The following TNFRSF11A variants were observed in gnomAD, a reference collection of about 807,000 sequenced individuals.
TNFRSF11A encodes the protein TNF receptor superfamily member 11a, also known as tumor necrosis factor receptor superfamily member 11A.
A neutral mutation model predicts 55.7 loss-of-function variants in TNFRSF11A; 32 were observed. The observed-to-expected ratio is 0.57, with a 90% CI of 0.43 to 0.77. TNFRSF11A has a LOEUF of 0.77. Among genes scored for constraint, TNFRSF11A ranks in the 30% least tolerant of loss-of-function variants. TNFRSF11A has a pLI of 0.00. For missense variants in TNFRSF11A, 753 were observed against 809.8 expected (o/e 0.93, Z 0.85); for synonymous variants, 311 against 331.0 (o/e 0.94, Z 0.65).
chr18:62,343,669 G>A (rs549963659), intron 1 of TNFRSF11A, among the ~76,000 whole-genome samples: 14 of 152,260 alleles, frequency 9.2e-5, no homozygotes, highest in African/African-American at 1.9e-4. Flanking sequence ...TCCATCAGCC[G>A]TTAAGATAAA....
chr18:62,365,143 A>G (rs890070841), intron 7 of TNFRSF11A, among the ~76,000 whole-genome samples: 2 of 151,810 alleles, frequency 1.3e-5, no homozygotes, highest in East Asian at 1.9e-4. Context: ...GTATTTTTTT[A>G]TAGAGGTGGG....
intron 7 of TNFRSF11A, among the ~76,000 whole-genome samples, chr18:62,364,091 G>A (rs1005449399): frequency 4.6e-5 from 7 of 152,326 alleles, no homozygotes; most frequent in East Asian, 1.9e-4. Context: ...AAGGTGCTGA[G>A]CACCAAGTGG....
Position 62,389,786 on chromosome 18 carries a change from C to G in TNFRSF11A, c.*4752C>G, listed in dbSNP as rs1305607039. ...AAGTTAAAATGACAAAATTACAGGC[C>G]TGTTACCAGATCTTCGTACTAACCA... On this transcript the variant is annotated 3_prime_UTR_variant, in exon 10 of 10. Coordinates refer to ENST00000586569, the MANE Select transcript of TNFRSF11A (RefSeq NM_003839.4). 1 of 152,160 alleles carries G rather than the reference C, an allele frequency of 6.6e-6. No individual in the cohort carries two copies. The highest frequency in any genetic ancestry group is 2.4e-5 in the African/African-American group (1 of 41,432). 9.4% of individuals were successfully genotyped at this position (152,160 alleles called of 1,614,324 possible). A position where few individuals can be genotyped will look rare whatever the true frequency, so the allele number is the denominator to read the frequency against.
At chr18:62,360,325 TG>T (rs1255772798) in intron 6 of TNFRSF11A, among the ~76,000 whole-genome samples, 1 of 152,170 alleles carries the variant, frequency 6.6e-6, no homozygotes, top group African/African-American at 2.4e-5. Context: ...TGCTCAGACA[TG>T]GTGGGATGAT....
At chr18:62,382,952 C>T (rs554529166) in intron 9 of TNFRSF11A, among the ~76,000 whole-genome samples, 195 of 152,268 alleles carry the variant, frequency 1.3e-3, no homozygotes, top group African/African-American at 4.4e-3. Context: ...CTGGTGACAA[C>T]AGACTTGAGA....
chr18:62,373,157 A>G (rs753553213), intron 9 of TNFRSF11A, among the ~76,000 whole-genome samples: 3 of 152,164 alleles, frequency 2.0e-5, no homozygotes, highest in Non-Finnish European at 2.9e-5. Context: ...GGCAGCCACA[A>G]CCAGTTAGTG....
At chr18:62,330,114 T>C (rs1386746359) in intron 1 of TNFRSF11A, among the ~76,000 whole-genome samples, 1 of 152,216 alleles carries the variant, frequency 6.6e-6, no homozygotes, top group East Asian at 1.9e-4. Context: ...CCACAACCTG[T>C]AGCACACTCT....
chr18:62,341,027 A>G (rs998072106), intron 1 of TNFRSF11A, among the ~76,000 whole-genome samples: 1 of 152,284 alleles, frequency 6.6e-6, no homozygotes, highest in Non-Finnish European at 1.5e-5. Context: ...TGTAAGATTG[A>G]AATTCTATCT....
Position 62,386,300 on chromosome 18 carries a change from A to G in TNFRSF11A, c.*1266A>G, listed in dbSNP as rs550955518. On this transcript the variant is annotated 3_prime_UTR_variant, in exon 10 of 10. Transcript: ENST00000586569. Reference sequence around the variant, plus strand: ...GCATTTTTTTTGTCTAGATAAGAATAGCGTGAATAGATCCTCTTTTATTCG... The same window carrying G: ...GCATTTTTTTTGTCTAGATAAGAATGGCGTGAATAGATCCTCTTTTATTCG... 8 of 152,374 alleles carry G rather than the reference A, an allele frequency of 5.3e-5. No homozygotes were observed. The highest frequency in any genetic ancestry group is 1.9e-4 in the African/African-American group (8 of 41,584). The allele number at this position is 152,374 out of a possible 1,614,324, so 9.4% of individuals were successfully genotyped here. A position where few individuals can be genotyped will look rare whatever the true frequency, so the allele number is the denominator to read the frequency against.
At position 62,348,150 on chromosome 18, in the gene TNFRSF11A, C is replaced by T. The variant is rs748514888; in HGVS notation, c.76-18C>T. 5.0e-6 allele frequency: 8 copies of T among 1,606,260 alleles called. No homozygotes were observed. Among genetic ancestry groups the T allele is most frequent in the Non-Finnish European group, 6.8e-6 (8 of 1,173,122 alleles). On this transcript the variant is annotated intron_variant, in intron 1 of 9. Coordinates refer to ENST00000586569, the MANE Select transcript of TNFRSF11A (RefSeq NM_003839.4). Reference sequence around the variant, plus strand: ...AGAGCTGTGTGGACTCTCTGCCTGACCTCAGTGTTCTTTTCAGGTGGCTTT... The same window carrying T: ...AGAGCTGTGTGGACTCTCTGCCTGATCTCAGTGTTCTTTTCAGGTGGCTTT...
chr18:62,361,095 G>A (rs1265910733), intron 6 of TNFRSF11A, among the ~76,000 whole-genome samples: 1 of 152,186 alleles, frequency 6.6e-6, no homozygotes, highest in Non-Finnish European at 1.5e-5. Context: ...TTAAAAAAGA[G>A]GAGAGGAAAA....
In TNFRSF11A at chr18:62,368,798, C is replaced by T; in HGVS notation, c.881C>T (p.Thr294Ile). 2 of 1,614,234 alleles carry T rather than the reference C, an allele frequency of 1.2e-6. No individual in the cohort carries two copies. The highest frequency in any genetic ancestry group is 2.2e-5 in the East Asian group (1 of 44,884). ...GVLLLTLEEK[T>I]FPEDMCYPDQ... ...TTACTGCTGACTCTGGAGGAGAAGACATTTCCAGAAGATATGTGCTACCCA... is the reference window on the plus strand; with the variant it reads ...TTACTGCTGACTCTGGAGGAGAAGATATTTCCAGAAGATATGTGCTACCCA... The change falls in exon 9 of 10, where the codon ACA becomes ATA. Residue 294 changes from threonine to isoleucine, a missense_variant. Physicochemically the swap from Thr to Ile is moderately conservative, Grantham distance 89. Coordinates refer to ENST00000586569, the MANE Select transcript of TNFRSF11A (RefSeq NM_003839.4).
rs559041438 is a variant in TNFRSF11A, at chr18:62,345,810, G to T, written c.76-2358G>T. Among the ~76,000 whole-genome samples the T allele has an allele frequency of 2.2e-3, 336 of 152,318 alleles. 2 individuals carry two copies. Among genetic ancestry groups the T allele is most frequent in the African/African-American group, 7.9e-3 (327 of 41,554 alleles). ...TAGTGAGGTAGAAGCTTAGGAGAGA[G>T]AAATGGATTTTATATCTGTGACAAT... On this transcript the variant is annotated intron_variant, in intron 1 of 9. Transcript: ENST00000586569.
chr18:62,376,149 A>C (rs1021986777), intron 9 of TNFRSF11A, among the ~76,000 whole-genome samples: 23 of 152,142 alleles, frequency 1.5e-4, no homozygotes, highest in African/African-American at 5.6e-4. Flanking sequence ...AGTAGGATGC[A>C]CAGTGCGTGA....
intron 1 of TNFRSF11A, among the ~76,000 whole-genome samples, chr18:62,328,463 G>A (rs1210568093): frequency 2.0e-5 from 3 of 151,690 alleles, no homozygotes; most frequent in East Asian, 1.9e-4. Flanking sequence ...CTTGCAGATA[G>A]CACAAATCAC....
chr18:62,376,635 C>T (rs974121758), intron 9 of TNFRSF11A, among the ~76,000 whole-genome samples: 5 of 152,078 alleles, frequency 3.3e-5, no homozygotes, highest in African/African-American at 7.2e-5. Context: ...TTGTGTTGTA[C>T]GTTCTATGGG....
intron 9 of TNFRSF11A, among the ~76,000 whole-genome samples, chr18:62,374,745 C>G (rs987327701): frequency 1.3e-5 from 2 of 152,154 alleles, no homozygotes; most frequent in South Asian, 4.1e-4. Flanking sequence ...CTATGTCAAG[C>G]ATGGACAAAG....
intron 9 of TNFRSF11A, among the ~76,000 whole-genome samples, chr18:62,375,483 T>C (rs1183124925): frequency 6.6e-6 from 1 of 152,176 alleles, no homozygotes; most frequent in Non-Finnish European, 1.5e-5. Flanking sequence ...CAAATCATAC[T>C]TTTGGGTAGC....
At chr18:62,342,178 A>T (rs1193831914) in intron 1 of TNFRSF11A, among the ~76,000 whole-genome samples, 3 of 151,730 alleles carry the variant, frequency 2.0e-5, no homozygotes, top group African/African-American at 7.3e-5. Flanking sequence ...AGGTGGGCAA[A>T]TCTCTTGAGC....
Sources: gnomAD v4.1 joint callset for allele counts (sites outside exome capture counted in the v4.1 genomes callset) on GRCh38, gnomAD v4.1.1 for gene constraint, MANE v1.5 for transcripts, NCBI Gene and HGNC (gene_info 2026-07-23, HGNC 2026-07-21) for gene names.